ZFAT: variants seen among roughly 807,000 people sequenced by gnomAD.
ZFAT encodes zinc finger and AT-hook domain containing, also known as zinc finger protein ZFAT.
ZFAT carries 64 observed loss-of-function variants against 117.7 expected under a neutral mutation model. The observed-to-expected ratio is 0.54, with a 90% CI of 0.44 to 0.67. ZFAT has a LOEUF of 0.67. Among genes scored for constraint, ZFAT ranks in the 30% least tolerant of loss-of-function variants. The pLI, the probability that ZFAT is intolerant of heterozygous loss-of-function variation, is 0.00. For synonymous variants in ZFAT, 679 were observed against 615.0 expected (o/e 1.10, Z -1.54); for missense variants, 1,433 against 1,584.5 (o/e 0.90, Z 1.62).
At chr8:134,723,378 A>G in the ZFAT span, 1 of 152,250 alleles carries the variant, frequency 6.6e-6, no homozygotes, top group African/African-American at 2.4e-5. Flanking sequence ...GGGGCTCTTT[A>G]CAAAGGTGTG....
intron 9 of ZFAT, among the ~76,000 whole-genome samples, chr8:134,586,512 C>A (rs1419853709): frequency 6.6e-6 from 1 of 152,170 alleles, no homozygotes; most frequent in Admixed American, 6.5e-5. Context: ...CATGTGAGTA[C>A]AATTACAGTT....
chr8:134,713,693 T>C (rs1257749202), upstream of ZFAT, among the ~76,000 whole-genome samples: 1 of 152,010 alleles, frequency 6.6e-6, no homozygotes, highest in East Asian at 1.9e-4. Flanking sequence ...GGCAGCTGAG[T>C]CTGGTGGAAA....
At chr8:134,507,671 G>T (rs7001459) in intron 15 of ZFAT, among the ~76,000 whole-genome samples, 23,294 of 152,094 alleles carry the variant, frequency 0.15, 2,826 homozygotes, top group African/African-American at 0.33. Context: ...GCATATCTAA[G>T]CTATAACCCA....
chr8:134,768,336 C>T, the ZFAT span, among the ~76,000 whole-genome samples: 7 of 152,292 alleles, frequency 4.6e-5, no homozygotes, highest in South Asian at 8.3e-4. Flanking sequence ...AGACAATTTA[C>T]GTAATTAATA....
At chr8:134,699,137 C>T (rs553789958) in intron 1 of ZFAT, among the ~76,000 whole-genome samples, 13 of 152,224 alleles carry the variant, frequency 8.5e-5, no homozygotes, top group Non-Finnish European at 1.6e-4. Context: ...ACCCCCTCCC[C>T]GCATTGCGTA....
chr8:134,621,621 G>T (rs1432292331), intron 3 of ZFAT, among the ~76,000 whole-genome samples: 1 of 152,096 alleles, frequency 6.6e-6, no homozygotes, highest in African/African-American at 2.4e-5. Context: ...TACTGGGATG[G>T]TAATTTTCAA....
chr8:134,585,446 A>C (rs1003215437), intron 9 of ZFAT, among the ~76,000 whole-genome samples: 2 of 152,216 alleles, frequency 1.3e-5, no homozygotes, highest in African/African-American at 2.4e-5. Context: ...TGTTTTTCTA[A>C]AACATTCAAA....
the ZFAT span, chr8:134,793,541 G>A: frequency 6.6e-6 from 1 of 152,172 alleles, no homozygotes; most frequent in African/African-American, 2.4e-5. Context: ...TTAGATTCTT[G>A]TAAGGAGCAC....
chr8:134,715,020 TATAA>T (rs1814194904), upstream of ZFAT, among the ~76,000 whole-genome samples: 1 of 152,234 alleles, frequency 6.6e-6, no homozygotes, highest in African/African-American at 2.4e-5. Flanking sequence ...CTTTTAGAAC[TATAA>T]ATATTTACAA....
rs373463853 is a variant in ZFAT, at chr8:134,576,804, C to T, written c.2887+7028G>A. ...ACTCCACTCAAACCTAATTTCCATA[C>T]TCAACTCTCCACTTGTCTATTACAA... is the stretch of plus-strand genomic sequence containing the variant. On this transcript the variant is annotated intron_variant, in intron 10 of 15. Transcript: ENST00000377838. Among the ~76,000 whole-genome samples the T allele has an allele frequency of 2.6e-5, 4 of 152,308 alleles. No homozygotes were observed. The East Asian group carries it at 7.7e-4, about 29-fold the overall frequency.
At chr8:134,659,284 G>A (rs537801906) in intron 1 of ZFAT, among the ~76,000 whole-genome samples, 1 of 152,270 alleles carries the variant, frequency 6.6e-6, no homozygotes, top group East Asian at 1.9e-4. Flanking sequence ...GCCCGCCTGC[G>A]TCTTCAGCTG....
the ZFAT span, among the ~76,000 whole-genome samples, chr8:134,729,371 A>G: frequency 3.3e-5 from 5 of 152,066 alleles, no homozygotes; most frequent in African/African-American, 9.7e-5. Context: ...TCGCTCTATC[A>G]CCCAGGCTGG....
At chr8:134,680,206 G>A (rs1341688261) in intron 1 of ZFAT, among the ~76,000 whole-genome samples, 4 of 146,980 alleles carry the variant, frequency 2.7e-5, no homozygotes, top group Middle Eastern at 3.6e-3. Flanking sequence ...AGATTGCAGT[G>A]AGCCATGATC....
Position 134,532,992 on chromosome 8 carries a change from G to C in ZFAT, c.2977-20C>G. 1 of 1,587,934 alleles carries C rather than the reference G, an allele frequency of 6.3e-7. No homozygotes were observed. Among genetic ancestry groups the C allele is most frequent in the Admixed American group, 1.8e-5 (1 of 56,074 alleles). ...GAAAGGCTGCGGGGACAATGAGGAG[G>C]GGTTAGGAAAGGTGAGCCCCAGATG... On this transcript the variant is annotated intron_variant, in intron 11 of 15. Transcript: ENST00000377838.
chr8:134,557,468 A>G (rs913797761), intron 11 of ZFAT, among the ~76,000 whole-genome samples: 1 of 152,236 alleles, frequency 6.6e-6, no homozygotes, highest in Non-Finnish European at 1.5e-5. Flanking sequence ...GCTAATGATA[A>G]TGTATTAATA....
At chr8:134,514,454 G>C (rs768185762) in intron 13 of ZFAT, among the ~76,000 whole-genome samples, 17 of 152,268 alleles carry the variant, frequency 1.1e-4, no homozygotes, top group Admixed American at 2.0e-4. Flanking sequence ...AGATGTAAAA[G>C]TGATCATCAT....
chr8:134,522,978 C>A (rs1820769471), intron 12 of ZFAT, among the ~76,000 whole-genome samples: 1 of 152,210 alleles, frequency 6.6e-6, no homozygotes, highest in Non-Finnish European at 1.5e-5. Flanking sequence ...CTATGCCTGG[C>A]CTGACACCAG....
At chr8:134,800,277 C>T in the ZFAT span, among the ~76,000 whole-genome samples, 7 of 133,150 alleles carry the variant, frequency 5.3e-5, no homozygotes, top group Non-Finnish European at 1.1e-4. Flanking sequence ...GTAATTTTTC[C>T]TCTATAAGCA....
chr8:134,580,062 G>A (rs908223461), intron 10 of ZFAT, among the ~76,000 whole-genome samples: 4 of 151,948 alleles, frequency 2.6e-5, no homozygotes, highest in African/African-American at 9.7e-5. Flanking sequence ...AGGCAGGGCA[G>A]CCAGGAGAGC....
Sources: allele counts gnomAD v4.1 joint callset (sites outside exome capture counted in the v4.1 genomes callset), GRCh38; gene constraint gnomAD v4.1.1; transcripts MANE v1.5; gene names NCBI Gene and HGNC (gene_info 2026-07-23, HGNC 2026-07-21).